COL24A1: variants seen among roughly 807,000 people sequenced by gnomAD.
COL24A1 encodes collagen alpha-1(XXIV) chain.
Under a neutral mutation model 253.9 loss-of-function variants are expected in COL24A1, and 224 were observed. The ratio of observed to expected loss-of-function variants is 0.88; its 90% CI spans 0.79 to 0.99. The LOEUF (loss-of-function observed/expected upper bound fraction) is 0.99. COL24A1 is among the 50% of genes least tolerant of loss of function. The pLI is 0.00. For synonymous variants in COL24A1, 685 were observed against 673.7 expected (o/e 1.02, Z -0.26); for missense variants, 2,131 against 2,068.5 (o/e 1.03, Z -0.59).
rs1217784873 is a variant in COL24A1, at chr1:85,804,615, CA to C, written c.3951+12172del. Among the ~76,000 whole-genome samples, 8 of 152,144 alleles carry C rather than the reference CA, an allele frequency of 5.3e-5. No individual in the cohort carries two copies. In the East Asian group the frequency reaches 1.4e-3, roughly 26 times the overall value. On this transcript the variant is annotated intron_variant, in intron 47 of 59. Coordinates refer to ENST00000370571, the MANE Select transcript of COL24A1 (RefSeq NM_152890.7). Reference sequence around the variant, plus strand: ...CACACCTTGCATGGATGGCAGCAGGCAAAAAGAGAGCTTGTGCAGGGCAACT... The same window carrying C: ...CACACCTTGCATGGATGGCAGCAGGCAAAAGAGAGCTTGTGCAGGGCAACT...
At chr1:85,869,693 G>T (rs1199040217) in intron 35 of COL24A1, among the ~76,000 whole-genome samples, 1 of 152,126 alleles carries the variant, frequency 6.6e-6, no homozygotes, top group East Asian at 1.9e-4. Flanking sequence ...AGCTCCTGAA[G>T]GAAGCACTAA....
chr1:85,867,216 G>A (rs1203085453), intron 37 of COL24A1, among the ~76,000 whole-genome samples: 1 of 152,094 alleles, frequency 6.6e-6, no homozygotes, highest in Non-Finnish European at 1.5e-5. Flanking sequence ...AGAAACCAGA[G>A]GAAAAGAGAA....
At chr1:86,069,298 G>A (rs897863234) in intron 7 of COL24A1, among the ~76,000 whole-genome samples, 1 of 152,164 alleles carries the variant, frequency 6.6e-6, no homozygotes, top group East Asian at 1.9e-4. Flanking sequence ...TGGCCTTTAA[G>A]TAAACATTGG....
At chr1:85,874,824 C>T in intron 34 of COL24A1, 122 bp from the exon 35 acceptor site, 1 of 1,044,182 alleles carries the variant, frequency 9.6e-7, no homozygotes, top group Non-Finnish European at 1.4e-6. Flanking sequence ...TGTCCAAGGC[C>T]TGTTAGGAAA....
At chr1:86,132,175 G>A (rs1027949384) in intron 2 of COL24A1, among the ~76,000 whole-genome samples, 1 of 152,146 alleles carries the variant, frequency 6.6e-6, no homozygotes, top group Non-Finnish European at 1.5e-5. Context: ...TTTGAGAAGT[G>A]TCTGCTCATA....
At chr1:85,803,799 G>A (rs1671682741) in intron 47 of COL24A1, among the ~76,000 whole-genome samples, 1 of 152,100 alleles carries the variant, frequency 6.6e-6, no homozygotes, top group African/African-American at 2.4e-5. Flanking sequence ...AATAAAGACA[G>A]TTTTACTTCT....
intron 20 of COL24A1, among the ~76,000 whole-genome samples, chr1:85,978,020 C>T (rs1692863480): frequency 6.6e-6 from 1 of 152,150 alleles, no homozygotes; most frequent in Admixed American, 6.5e-5. Flanking sequence ...ATCAGATTTA[C>T]AGCAGATTCC....
chr1:85,952,453 C>T (rs1488383720), intron 24 of COL24A1, among the ~76,000 whole-genome samples: 3 of 152,182 alleles, frequency 2.0e-5, no homozygotes, highest in Non-Finnish European at 4.4e-5. Flanking sequence ...AATTTGTCTG[C>T]TAATTTGAAT....
intron 55 of COL24A1, among the ~76,000 whole-genome samples, chr1:85,760,683 T>C (rs1226580536): frequency 2.0e-5 from 3 of 152,076 alleles, no homozygotes; most frequent in Non-Finnish European, 4.4e-5. Flanking sequence ...AGTAGATCCA[T>C]GTTAGGCAGA....
At chr1:86,105,724 C>T (rs1704918017) in intron 5 of COL24A1, among the ~76,000 whole-genome samples, 1 of 152,190 alleles carries the variant, frequency 6.6e-6, no homozygotes, top group Admixed American at 6.5e-5. Context: ...GCTCCTACCA[C>T]TTATCTAAGC....
At chr1:85,993,574 A>C (rs1001657680) in intron 19 of COL24A1, among the ~76,000 whole-genome samples, 1 of 152,078 alleles carries the variant, frequency 6.6e-6, no homozygotes, top group Non-Finnish European at 1.5e-5. Flanking sequence ...ACAGAAATAA[A>C]GTATTATATA....
At chr1:86,092,845 T>C (rs1008735011) in intron 5 of COL24A1, among the ~76,000 whole-genome samples, 1 of 151,996 alleles carries the variant, frequency 6.6e-6, no homozygotes, top group Non-Finnish European at 1.5e-5. Flanking sequence ...TATTCTGTTA[T>C]AAAATTAGAT....
chr1:86,117,767 A>C (rs1012511701), intron 3 of COL24A1, among the ~76,000 whole-genome samples: 1 of 152,196 alleles, frequency 6.6e-6, no homozygotes, highest in African/African-American at 2.4e-5. Context: ...TTAAGTACTA[A>C]AAAAGGCACT....
intron 58 of COL24A1, 118 bp from the exon 59 acceptor site, chr1:85,735,082 A>G: frequency 1.2e-6 from 1 of 842,756 alleles, no homozygotes; most frequent in East Asian, 2.6e-5. Context: ...TTTCCTTGGA[A>G]CTGAAGTGCC....
intron 53 of COL24A1, among the ~76,000 whole-genome samples, chr1:85,767,881 C>T (rs1304940198): frequency 6.6e-6 from 1 of 152,162 alleles, no homozygotes; most frequent in Non-Finnish European, 1.5e-5. Context: ...CAACTATTAC[C>T]TATTACATGG....
intron 7 of COL24A1, among the ~76,000 whole-genome samples, chr1:86,083,305 T>A (rs115540371): frequency 0.059 from 8,894 of 150,680 alleles, 419 homozygotes; most frequent in African/African-American, 0.12. Context: ...CTCAAAAAAA[T>A]ATATATATAT....
chr1:85,889,357 A>G (rs1458145922), intron 32 of COL24A1, among the ~76,000 whole-genome samples: 1 of 152,130 alleles, frequency 6.6e-6, no homozygotes, highest in Non-Finnish European at 1.5e-5. Context: ...TAACAGCTCC[A>G]GAAAAACAGC....
At chr1:85,806,954 A>G (rs1672040851) in intron 47 of COL24A1, among the ~76,000 whole-genome samples, 1 of 152,228 alleles carries the variant, frequency 6.6e-6, no homozygotes, top group South Asian at 2.1e-4. Context: ...ATACATCTTC[A>G]TCTTCAACTA....
intron 19 of COL24A1, among the ~76,000 whole-genome samples, chr1:86,007,166 G>A (rs928109393): frequency 3.9e-5 from 6 of 152,062 alleles, no homozygotes; most frequent in Admixed American, 6.6e-5. Context: ...AGTGAGCCAT[G>A]GTCACTCTAC....
Sources: allele counts gnomAD v4.1 joint callset (sites outside exome capture counted in the v4.1 genomes callset), GRCh38; gene constraint gnomAD v4.1.1; transcripts MANE v1.5; gene names NCBI Gene and HGNC (gene_info 2026-07-23, HGNC 2026-07-21).